Variants in DMXL1 observed in about 807,000 individuals in gnomAD.
DMXL1 encodes dmX-like protein 1.
A neutral mutation model predicts 319.2 loss-of-function variants in DMXL1; 99 were observed. That is an observed-to-expected ratio of 0.31 (90% CI 0.26 to 0.37). The LOEUF is 0.37. Among genes scored for constraint, DMXL1 ranks in the 10% least tolerant of loss-of-function variants. The pLI, the probability that DMXL1 is intolerant of heterozygous loss-of-function variation, is 1.00. For missense variants in DMXL1, 3,745 were observed against 3,595.6 expected, an observed-to-expected ratio of 1.04 and a Z score of -1.06; for synonymous variants, 1,385 against 1,235.2, an observed-to-expected ratio of 1.12 and a Z score of -2.54.
At chr5:119,245,218 T>C (rs1478223739) in intron 43 of DMXL1, among the ~76,000 whole-genome samples, 5 of 152,200 alleles carry the variant, frequency 3.3e-5, no homozygotes, top group African/African-American at 1.2e-4. Flanking sequence ...CTTTTGGCCC[T>C]GTTTGGTAAT....
At chr5:119,175,926 A>G (rs769939890) in intron 26 of DMXL1, among the ~76,000 whole-genome samples, 12 of 151,954 alleles carry the variant, frequency 7.9e-5, no homozygotes, top group African/African-American at 2.4e-4. Context: ...GAAGTACTCT[A>G]TTTCTTCAAG....
At chr5:119,220,734 C>G (rs1325724913) in intron 36 of DMXL1, 141 bp downstream of exon 36, 5 of 1,202,608 alleles carry the variant, frequency 4.2e-6, no homozygotes, top group Non-Finnish European at 5.7e-6. Context: ...TGAGGGGTGG[C>G]AAGAGCTTTA....
In DMXL1 at chr5:119,244,573, A is replaced by G. The variant is rs773276735; in HGVS notation, c.8919A>G (p.Ile2973Met). 1.9e-6 allele frequency: 3 copies of G among 1,613,164 alleles called. No homozygotes were observed. Among genetic ancestry groups the G allele is most frequent in the South Asian group, 2.2e-5 (2 of 90,954 alleles). ...YFVTGSAEGN[I>M]KIWSLSTFGL... ...TTACAGGATCTGCCGAAGGCAATAT[A>G]AAGGTAAACACAGTTGATGCCACAA... Residue 2973 changes from isoleucine to methionine, a missense_variant, in exon 43 of 44, where the codon ATA becomes ATG. Physicochemically the swap from Ile to Met is conservative, Grantham distance 10. Coordinates refer to ENST00000539542, the MANE Select transcript of DMXL1 (RefSeq NM_001290321.3).
intron 37 of DMXL1, among the ~76,000 whole-genome samples, chr5:119,221,409 A>G (rs1466688090): frequency 6.6e-6 from 1 of 152,238 alleles, no homozygotes; most frequent in Admixed American, 6.5e-5. Flanking sequence ...TATAGCTAAT[A>G]TGCTAAGAAT....
chr5:119,073,362 C>G (rs1402197819), intron 1 of DMXL1, among the ~76,000 whole-genome samples: 2 of 152,140 alleles, frequency 1.3e-5, no homozygotes, highest in African/African-American at 4.8e-5. Context: ...ATGCCCAGCC[C>G]TAAGAATTTT....
At chr5:119,218,220 A>C (rs1015456764) in intron 35 of DMXL1, among the ~76,000 whole-genome samples, 3 of 152,048 alleles carry the variant, frequency 2.0e-5, no homozygotes, top group Non-Finnish European at 4.4e-5. Flanking sequence ...CTACAAAAAA[A>C]AATTATCTAT....
intron 29 of DMXL1, among the ~76,000 whole-genome samples, chr5:119,190,375 C>T (rs1000016499): frequency 1.3e-5 from 2 of 152,210 alleles, no homozygotes; most frequent in Non-Finnish European, 2.9e-5. Flanking sequence ...AACTTCCCTG[C>T]TAGCGCTTCA....
At chr5:119,130,866 G>A (rs530038828) in intron 10 of DMXL1, among the ~76,000 whole-genome samples, 1 of 151,932 alleles carries the variant, frequency 6.6e-6, no homozygotes, top group South Asian at 2.1e-4. Flanking sequence ...GAATTTCCAG[G>A]GAGTGTAGCA....
At chr5:119,134,217 C>A in intron 12 of DMXL1, 39 bp downstream of exon 12, 1 of 1,605,784 alleles carries the variant, frequency 6.2e-7, no homozygotes, top group East Asian at 2.2e-5. Context: ...TTTAGATTTG[C>A]TGACATTATC....
chr5:119,084,479 C>A (rs1009708322), intron 1 of DMXL1, among the ~76,000 whole-genome samples: 1 of 152,158 alleles, frequency 6.6e-6, no homozygotes, highest in Non-Finnish European at 1.5e-5. Flanking sequence ...GTGTTTGTGG[C>A]TCCACCTAAA....
At chr5:119,096,337 C>A (rs553253571) in intron 1 of DMXL1, among the ~76,000 whole-genome samples, 1 of 151,860 alleles carries the variant, frequency 6.6e-6, no homozygotes, top group Non-Finnish European at 1.5e-5. Flanking sequence ...CGACCATGCC[C>A]GGCTAATTTT....
At chr5:119,218,449 T>C (rs999287053) in intron 35 of DMXL1, among the ~76,000 whole-genome samples, 6 of 151,892 alleles carry the variant, frequency 4.0e-5, no homozygotes, top group Non-Finnish European at 7.4e-5. Flanking sequence ...TATTTTATTT[T>C]ACTTTATTTT....
chr5:119,188,441 A>C (rs1778135939), intron 28 of DMXL1, among the ~76,000 whole-genome samples: 2 of 152,252 alleles, frequency 1.3e-5, no homozygotes, highest in Admixed American at 6.5e-5. Context: ...GCCAAATGAT[A>C]AATTGATATA....
In DMXL1 at chr5:119,149,943, G is replaced by A; in HGVS notation, c.4116G>A (p.Arg1372=). The change falls in exon 18 of 44, where the codon AGG becomes AGA. Residue 1372 remains arginine, a synonymous_variant. Coordinates refer to ENST00000539542, the MANE Select transcript of DMXL1 (RefSeq NM_001290321.3). ...AATCTAATCATGAACGCCGCCTTAG[G>A]TCTCTCACAATCAGTGCTAGTGGAA... ...EAESNHERRL[R]SLTISASGST... 1.2e-6 allele frequency: 2 copies of A among 1,613,860 alleles called. No homozygotes were observed. The highest frequency in any genetic ancestry group is 1.7e-6 in the Non-Finnish European group (2 of 1,179,912).
At chr5:119,200,323 A>C (rs890467008) in intron 32 of DMXL1, among the ~76,000 whole-genome samples, 1 of 152,116 alleles carries the variant, frequency 6.6e-6, no homozygotes, top group Non-Finnish European at 1.5e-5. Flanking sequence ...CCATTTATAG[A>C]ATAGGGAGTC....
chr5:119,104,286 G>A (rs1757876969), intron 3 of DMXL1: 1 of 152,188 alleles, frequency 6.6e-6, no homozygotes, highest in Non-Finnish European at 1.5e-5. Flanking sequence ...GGTATGTACT[G>A]TGATTGAAAG....
At chr5:119,157,747 T>C (rs1250151264) in intron 19 of DMXL1, among the ~76,000 whole-genome samples, 2 of 152,196 alleles carry the variant, frequency 1.3e-5, no homozygotes, top group Non-Finnish European at 2.9e-5. Context: ...TGAAATCAGG[T>C]AGTGTGATGT....
chr5:119,175,529 A>G (rs1270964219), intron 26 of DMXL1, among the ~76,000 whole-genome samples, 192 bp downstream of exon 26: 2 of 152,112 alleles, frequency 1.3e-5, no homozygotes, highest in African/African-American at 2.4e-5. Context: ...CTTATTCTGT[A>G]TAACTTATTT....
At chr5:119,093,002 A>G (rs999072102) in intron 1 of DMXL1, among the ~76,000 whole-genome samples, 1 of 152,128 alleles carries the variant, frequency 6.6e-6, no homozygotes, top group African/African-American at 2.4e-5. Flanking sequence ...GTTTTCTTGA[A>G]TACAGGCATA....
Sources: allele counts gnomAD v4.1 joint callset (sites outside exome capture counted in the v4.1 genomes callset), GRCh38; gene constraint gnomAD v4.1.1; transcripts MANE v1.5; gene names NCBI Gene and HGNC (gene_info 2026-07-23, HGNC 2026-07-21).